TPD52L1: variants seen among roughly 807,000 people sequenced by gnomAD.
The protein encoded by TPD52L1 is tumor protein D53.
Under a neutral mutation model 28.7 loss-of-function variants are expected in TPD52L1, and 18 were observed. The ratio of observed to expected loss-of-function variants is 0.63; its 90% CI spans 0.43 to 0.93. The LOEUF (loss-of-function observed/expected upper bound fraction) is 0.93, where lower values mean the gene tolerates loss of function less well. TPD52L1 is among the 40% of genes least tolerant of loss of function. The pLI is 0.00. For synonymous variants in TPD52L1, 75 were observed against 88.8 expected (o/e 0.84, Z 0.88); for missense variants, 203 against 254.8 (o/e 0.80, Z 1.39).
chr6:125,217,403 G>T (rs1053054429), intron 1 of TPD52L1, among the ~76,000 whole-genome samples: 3 of 152,136 alleles, frequency 2.0e-5, no homozygotes, highest in African/African-American at 7.2e-5. Flanking sequence ...TGGGGGAAAC[G>T]GGAGACAGTG....
rs1791435059 is a variant in TPD52L1, at chr6:125,172,168, T to TCTTTCC, written c.19+18203_19+18204insCCTTTC. 1.7e-5 allele frequency among the ~76,000 whole-genome samples: 2 copies of TCTTTCC among 116,130 alleles called. 1 individual carries two copies. The highest frequency in any genetic ancestry group is 3.6e-5 in the Non-Finnish European group (2 of 55,006). 76.2% of individuals were successfully genotyped at this position (116,130 alleles called of 152,430 possible). A position where few individuals can be genotyped will look rare whatever the true frequency, so the allele number is the denominator to read the frequency against. ...TCTTTCTTTCTTTCTTTTCTTTCTT[T>TCTTTCC]CTTTCTTTCTTTCTTTCTTTCTTTC... On this transcript the variant is annotated intron_variant, in intron 1 of 6. Transcript: ENST00000534000.
At chr6:125,252,811 T>G (rs1305522696) in intron 4 of TPD52L1, 3 of 152,244 alleles carry the variant, frequency 2.0e-5, no homozygotes, top group Admixed American at 2.0e-4. Context: ...TTTGTCCTTT[T>G]CTTTCTGTGT....
intron 2 of TPD52L1, among the ~76,000 whole-genome samples, chr6:125,220,606 G>A (rs1304253277): frequency 6.6e-6 from 1 of 152,150 alleles, no homozygotes; most frequent in Non-Finnish European, 1.5e-5. Flanking sequence ...ACTTTGAAAT[G>A]ATTTTTTTAA....
intron 2 of TPD52L1, among the ~76,000 whole-genome samples, chr6:125,226,007 T>A (rs1795583955): frequency 1.3e-5 from 2 of 152,230 alleles, no homozygotes; most frequent in Non-Finnish European, 2.9e-5. Context: ...TTAAGGTATT[T>A]GTAAGTAAAG....
At chr6:125,201,448 T>G (rs1437346797) in intron 1 of TPD52L1, among the ~76,000 whole-genome samples, 1 of 152,240 alleles carries the variant, frequency 6.6e-6, no homozygotes, top group Non-Finnish European at 1.5e-5. Context: ...GTTTTTGTAG[T>G]TTTCTACCAC....
intron 1 of TPD52L1, among the ~76,000 whole-genome samples, chr6:125,154,738 C>G (rs1790001273): frequency 6.6e-6 from 1 of 152,002 alleles, no homozygotes; most frequent in Non-Finnish European, 1.5e-5. Flanking sequence ...GTAAACGGAC[C>G]GTGGAAAGGG....
In TPD52L1 at chr6:125,195,576, ACGTGAAATT is replaced by A. The variant is rs150941110; in HGVS notation, c.20-24500_20-24492del. On this transcript the variant is annotated intron_variant, in intron 1 of 6. Transcript: ENST00000534000. ...TTTTAGATCTATGGAAAAGGCACTTACGTGAAATTCTCTGATGATACTGAACAAATTGCA... is the reference window on the plus strand; with the variant it reads ...TTTTAGATCTATGGAAAAGGCACTTACTCTGATGATACTGAACAAATTGCA... Among the ~76,000 whole-genome samples, 595 of 152,340 alleles carry A rather than the reference ACGTGAAATT, an allele frequency of 3.9e-3. 3 individuals are homozygous for A. Among genetic ancestry groups the A allele is most frequent in the African/African-American group, 0.013 (541 of 41,578 alleles).
At chr6:125,158,532 C>G (rs992552171) in intron 1 of TPD52L1, among the ~76,000 whole-genome samples, 2 of 150,842 alleles carry the variant, frequency 1.3e-5, no homozygotes, top group African/African-American at 4.9e-5. Flanking sequence ...TGAAATGCAA[C>G]AAGATAATGT....
rs114735171 is a variant in TPD52L1 at position 125,210,998 on chromosome 6, G to A, written c.20-9080G>A. Among the ~76,000 whole-genome samples the A allele has an allele frequency of 7.0e-3, 1,072 of 152,178 alleles. 17 individuals carry two copies. Among genetic ancestry groups the A allele is most frequent in the African/African-American group, 0.024 (987 of 41,510 alleles). On this transcript the variant is annotated intron_variant, in intron 1 of 6. Transcript: ENST00000534000. Reference sequence around the variant, plus strand: ...TCGACGGATCATTAAGCAAAATATCGGGATGAATTCTGCAGGACAGAGCCA... The same window carrying A: ...TCGACGGATCATTAAGCAAAATATCAGGATGAATTCTGCAGGACAGAGCCA...
Position 125,229,159 on chromosome 6 carries a change from G to A in TPD52L1, c.177G>A (p.Ala59=), listed in dbSNP as rs771162445. The A allele has an allele frequency of 1.8e-5, 29 of 1,613,358 alleles. No individual in the cohort carries two copies. Among genetic ancestry groups the A allele is most frequent in the Non-Finnish European group, 1.9e-5 (23 of 1,179,720 alleles). Residue 59 remains alanine, a synonymous_variant, in exon 3 of 7, where the codon GCG becomes GCA. Transcript: ENST00000534000. ...EITTLRQVLS[A]KERHLVEIKQ... is the part of the protein sequence containing the mutation. Reference sequence around the variant, plus strand: ...CAACACTACGACAAGTTTTGTCAGCGAAAGAAAGGCATCTAGTTGAGATAA... The same window carrying A: ...CAACACTACGACAAGTTTTGTCAGCAAAAGAAAGGCATCTAGTTGAGATAA...
intron 3 of TPD52L1, among the ~76,000 whole-genome samples, chr6:125,238,945 G>A (rs1796450083): frequency 6.6e-6 from 1 of 152,196 alleles, no homozygotes. Flanking sequence ...ATATGCATGT[G>A]TAAGTGTCTT....
intron 3 of TPD52L1, among the ~76,000 whole-genome samples, chr6:125,236,279 A>T (rs1249368140): frequency 6.6e-6 from 1 of 152,246 alleles, no homozygotes; most frequent in East Asian, 1.9e-4. Flanking sequence ...AAAATTTCAT[A>T]TAGAAATAGA....
At chr6:125,212,525 T>A (rs1794592080) in intron 1 of TPD52L1, among the ~76,000 whole-genome samples, 1 of 152,168 alleles carries the variant, frequency 6.6e-6, no homozygotes, top group Non-Finnish European at 1.5e-5. Flanking sequence ...GCGCTGGAAG[T>A]GTGTGGATGC....
At chr6:125,238,965 A>G (rs1242634784) in intron 3 of TPD52L1, among the ~76,000 whole-genome samples, 1 of 152,170 alleles carries the variant, frequency 6.6e-6, no homozygotes, top group Non-Finnish European at 1.5e-5. Flanking sequence ...TTTTCATATA[A>G]TGACTTCTTT....
chr6:125,172,543 T>C (rs1562214736), intron 1 of TPD52L1, among the ~76,000 whole-genome samples: 3 of 95,724 alleles, frequency 3.1e-5, no homozygotes, highest in African/African-American at 4.6e-5. Context: ...TATATATATA[T>C]ATATATATAA....
chr6:125,162,524 T>C (rs940722114), intron 1 of TPD52L1, among the ~76,000 whole-genome samples: 1 of 152,208 alleles, frequency 6.6e-6, no homozygotes, highest in Non-Finnish European at 1.5e-5. Context: ...TAAATACTTA[T>C]TGATTACTGC....
At chr6:125,218,523 G>A (rs1275263050) in intron 1 of TPD52L1, among the ~76,000 whole-genome samples, 1 of 152,140 alleles carries the variant, frequency 6.6e-6, no homozygotes, top group Non-Finnish European at 1.5e-5. Flanking sequence ...ATATATGTGA[G>A]AGATATCTTC....
intron 1 of TPD52L1, among the ~76,000 whole-genome samples, chr6:125,184,198 C>T (rs1319064153): frequency 6.6e-6 from 1 of 152,192 alleles, no homozygotes; most frequent in Non-Finnish European, 1.5e-5. Context: ...ACCATAGCAA[C>T]TTATTAAGAA....
chr6:125,208,259 C>T (rs1794283475), intron 1 of TPD52L1, among the ~76,000 whole-genome samples: 1 of 152,152 alleles, frequency 6.6e-6, no homozygotes, highest in East Asian at 1.9e-4. Flanking sequence ...CAAAGAGTAG[C>T]CTGATAGCAA....
Sources: allele counts gnomAD v4.1 joint callset (sites outside exome capture counted in the v4.1 genomes callset), GRCh38; gene constraint gnomAD v4.1.1; transcripts MANE v1.5; gene names NCBI Gene and HGNC (gene_info 2026-07-23, HGNC 2026-07-21).